CFAP54: variants seen among roughly 807,000 people sequenced by gnomAD.
CFAP54 encodes cilia and flagella associated protein 54, also known as cilia- and flagella-associated protein 54.
CFAP54 carries 290 observed loss-of-function variants against 370.4 expected under a neutral mutation model. The observed-to-expected ratio is 0.78, with a 90% CI of 0.71 to 0.86. The LOEUF (loss-of-function observed/expected upper bound fraction) is 0.86. CFAP54 is among the 40% of genes least tolerant of loss of function. The pLI is 0.00. For synonymous variants in CFAP54, 1,206 were observed against 1,236.5 expected (o/e 0.98, Z 0.52); for missense variants, 3,399 against 3,528.7 (o/e 0.96, Z 0.93).
chr12:96,829,185 G>A, intron 66 of CFAP54, 97 bp downstream of exon 66: 3 of 587,854 alleles, frequency 5.1e-6, no homozygotes, highest in Admixed American at 3.2e-5. Flanking sequence ...AGTATCAAGG[G>A]CCTAACCCTC....
chr12:96,739,909 C>A, intron 50 of CFAP54, 47 bp from the exon 51 acceptor site: 1 of 1,127,674 alleles, frequency 8.9e-7, no homozygotes, highest in Non-Finnish European at 1.3e-6. Flanking sequence ...CATACAGATG[C>A]CACAAATATA....
intron 60 of CFAP54, among the ~76,000 whole-genome samples, chr12:96,771,568 C>T (rs1436782289): frequency 3.3e-5 from 5 of 152,150 alleles, no homozygotes; most frequent in African/African-American, 9.7e-5. Context: ...AGGAGAATGG[C>T]GTGAACCCGG....
rs1469929446 is a variant in CFAP54 at position 96,720,448 on chromosome 12, T to G, written c.6848T>G (p.Leu2283Arg). Residue 2283 changes from leucine to arginine, a missense_variant, in exon 50 of 68, where the codon CTG (leucine) becomes CGG (arginine). Around this residue, in one of 3 missense-constraint regions of CFAP54, gnomAD observed 2,796 missense variants for 2,869.7 expected, o/e 0.97. Coordinates refer to ENST00000524981, the MANE Select transcript of CFAP54 (RefSeq NM_001306084.2). ...MEAEDRLNFL[L>R]SEVEQKTLSQ... ...GCTGAGGACAGGCTAAACTTCCTTC[T>G]GTCCGAGGTGGAACAGAAGACCCTG... 6.3e-7 allele frequency: 1 copy of G among 1,591,772 alleles called. No homozygotes were observed. Among genetic ancestry groups the G allele is most frequent in the Non-Finnish European group, 8.6e-7 (1 of 1,168,480 alleles).
intron 25 of CFAP54, among the ~76,000 whole-genome samples, chr12:96,595,687 TAAAATCTAGACTC>T (rs1956170429): frequency 1.3e-5 from 2 of 152,140 alleles, no homozygotes; most frequent in Non-Finnish European, 2.9e-5. Flanking sequence ...CTCCAGAGTC[TAAAATCTAGACTC>T]ATAGTTGACA....
chr12:96,621,690 G>T lies in CFAP54; in HGVS notation c.3740G>T (p.Gly1247Val), dbSNP rs1267580939. 6.6e-6 allele frequency: 10 copies of T among 1,526,712 alleles called. No homozygotes were observed. Among genetic ancestry groups the T allele is most frequent in the Non-Finnish European group, 8.8e-6 (10 of 1,141,982 alleles). The allele number at this position is 1,526,712 out of a possible 1,614,324, so 94.6% of individuals were successfully genotyped here. A position where few individuals can be genotyped will look rare whatever the true frequency, so the allele number is the denominator to read the frequency against. ...ITPGCKSLFD[G>V]SNEQEEMPEE... ...CCAGGATGCAAGTCTCTGTTTGATG[G>T]TAGTAATGAACAAGAAGAAATGCCA... Residue 1247 changes from glycine to valine, a missense_variant, in exon 27 of 68, where the codon GGT becomes GTT. Physicochemically the swap from Gly to Val is moderately radical, Grantham distance 109. Transcript: ENST00000524981.
chr12:96,692,659 A>G (rs902361057), intron 44 of CFAP54, among the ~76,000 whole-genome samples: 2 of 152,238 alleles, frequency 1.3e-5, no homozygotes, highest in South Asian at 2.1e-4. Context: ...CCTTTTAAAA[A>G]GCTGTTGCTA....
chr12:96,614,757 A>G (rs919796659), intron 26 of CFAP54, among the ~76,000 whole-genome samples: 38 of 152,346 alleles, frequency 2.5e-4, no homozygotes, highest in African/African-American at 7.5e-4. Context: ...ACTCCCATTC[A>G]CAATTGCTTC....
intron 26 of CFAP54, among the ~76,000 whole-genome samples, chr12:96,608,764 A>C (rs1188026746): frequency 2.0e-5 from 3 of 152,142 alleles, no homozygotes; most frequent in Non-Finnish European, 4.4e-5. Flanking sequence ...GCCCAGCTGC[A>C]TAGTAGGACT....
At chr12:96,552,374 C>T (rs1179903977) in intron 15 of CFAP54, among the ~76,000 whole-genome samples, 1 of 151,516 alleles carries the variant, frequency 6.6e-6, no homozygotes, top group Non-Finnish European at 1.5e-5. Flanking sequence ...AACAGGGTCT[C>T]ACTCTGTTAC....
intron 26 of CFAP54, among the ~76,000 whole-genome samples, chr12:96,602,438 T>C (rs1463369200): frequency 6.6e-6 from 1 of 152,210 alleles, no homozygotes; most frequent in Non-Finnish European, 1.5e-5. Context: ...TTCTGTTGAT[T>C]TGGGGTGGAG....
chr12:96,493,152 G>A (rs1233128674), intron 1 of CFAP54, among the ~76,000 whole-genome samples: 1 of 152,194 alleles, frequency 6.6e-6, no homozygotes, highest in Non-Finnish European at 1.5e-5. Context: ...TGCCTTAACA[G>A]TCCAACCTCT....
At chr12:96,511,328 T>A (rs1342085522) in intron 4 of CFAP54, among the ~76,000 whole-genome samples, 1 of 152,200 alleles carries the variant, frequency 6.6e-6, no homozygotes, top group African/African-American at 2.4e-5. Context: ...TTTATTTATT[T>A]ATTTTTTTGA....
chr12:96,676,906 C>T (rs556763821), intron 39 of CFAP54, among the ~76,000 whole-genome samples: 6 of 152,138 alleles, frequency 3.9e-5, no homozygotes, highest in Admixed American at 1.3e-4. Flanking sequence ...AGAAGGTAAC[C>T]GTCTGCGAGC....
chr12:96,522,308 A>G lies in CFAP54; in HGVS notation c.1158+119A>G, dbSNP rs552502377. The G allele has an allele frequency of 2.3e-5, 15 of 642,818 alleles. No homozygotes were observed. The South Asian group carries it at 2.4e-4, about 10-fold the overall frequency. 39.8% of individuals were successfully genotyped at this position (642,818 alleles called of 1,614,324 possible). On this transcript the variant is annotated intron_variant, in intron 8 of 67. Transcript: ENST00000524981. Reference sequence around the variant, plus strand: ...AATTCTGCCCCCAGTTCTCTGCCCTAATGGGTAAATAGAGAGAAGAATGTT... The same window carrying G: ...AATTCTGCCCCCAGTTCTCTGCCCTGATGGGTAAATAGAGAGAAGAATGTT...
intron 15 of CFAP54, among the ~76,000 whole-genome samples, chr12:96,551,521 GTGTC>G (rs1166130267): frequency 1.3e-5 from 2 of 149,686 alleles, no homozygotes; most frequent in Non-Finnish European, 3.0e-5. Context: ...GTGTGTGTGT[GTGTC>G]TGTATGTATA....
At chr12:96,780,625 GCAGGATTGAA>G (rs1958571869) in intron 60 of CFAP54, among the ~76,000 whole-genome samples, 1 of 152,166 alleles carries the variant, frequency 6.6e-6, no homozygotes, top group Non-Finnish European at 1.5e-5. Context: ...AGAATAGTTT[GCAGGATTGAA>G]CAGCGATCAG....
intron 3 of CFAP54, 85 bp downstream of exon 3, chr12:96,504,114 G>A (rs1955063336): frequency 7.7e-7 from 1 of 1,302,100 alleles, no homozygotes; most frequent in Non-Finnish European, 1.0e-6. Context: ...TAAATGTCTT[G>A]TTGGCTTAGC....
intron 61 of CFAP54, among the ~76,000 whole-genome samples, chr12:96,786,200 C>CT (rs35563047): frequency 0.058 from 7,932 of 137,650 alleles, 355 homozygotes; most frequent in African/African-American, 0.12. Context: ...TTTTTTTAAT[C>CT]TTTTTTTTTT....
intron 60 of CFAP54, among the ~76,000 whole-genome samples, chr12:96,776,053 A>G (rs1958515916): frequency 6.6e-6 from 1 of 152,176 alleles, no homozygotes; most frequent in Non-Finnish European, 1.5e-5. Context: ...TCACTTTACA[A>G]TATGTATACA....
Sources: allele counts gnomAD v4.1 joint callset (sites outside exome capture counted in the v4.1 genomes callset), GRCh38; gene constraint gnomAD v4.1.1; regional missense constraint gnomAD v4.1.1; transcripts MANE v1.5; gene names NCBI Gene and HGNC (gene_info 2026-07-23, HGNC 2026-07-21).